MTA3: variants seen among roughly 807,000 people sequenced by gnomAD.
The protein encoded by MTA3 is metastasis-associated protein MTA3.
MTA3 carries 34 observed loss-of-function variants against 83.5 expected under a neutral mutation model. That is an observed-to-expected ratio of 0.41 (90% CI 0.31 to 0.54). MTA3 has a LOEUF of 0.54. Ranked by LOEUF, MTA3 falls within the 20% of genes least tolerant of loss-of-function variation. MTA3 has a pLI of 0.33. For synonymous variants in MTA3, 303 were observed against 252.7 expected (o/e 1.20, Z -1.89); for missense variants, 761 against 726.4 (o/e 1.05, Z -0.55).
At chr2:42,725,797 A>G (rs1667766482) in intron 16 of MTA3, among the ~76,000 whole-genome samples, 1 of 152,328 alleles carries the variant, frequency 6.6e-6, no homozygotes, top group Non-Finnish European at 1.5e-5. Flanking sequence ...GAATCCTTCT[A>G]GCGCCCTGCT....
At chr2:42,572,107 C>T (rs548342783) in intron 2 of MTA3, among the ~76,000 whole-genome samples, 45 of 152,020 alleles carry the variant, frequency 3.0e-4, no homozygotes, top group Middle Eastern at 3.4e-3. Flanking sequence ...GAAACCCCGT[C>T]TCTACTAAAA....
chr2:42,745,824 C>CTTTTTTTTTTTTT (rs146921280), intron 16 of MTA3, among the ~76,000 whole-genome samples: 13 of 119,426 alleles, frequency 1.1e-4, no homozygotes, highest in African/African-American at 3.9e-4. Context: ...AAATAGTCCT[C>CTTTTTTTTTTTTT]TTTTTTTTGA....
chr2:42,639,422 T>C (rs1687501471), intron 4 of MTA3, among the ~76,000 whole-genome samples: 1 of 152,156 alleles, frequency 6.6e-6, no homozygotes, highest in Admixed American at 6.6e-5. Context: ...GTTATACGGA[T>C]TTTTTTAGGC....
At chr2:42,594,312 T>C (rs544501254) in intron 3 of MTA3, among the ~76,000 whole-genome samples, 5 of 143,180 alleles carry the variant, frequency 3.5e-5, no homozygotes, top group Non-Finnish European at 7.5e-5. Context: ...TCTGAGCTCA[T>C]AGCAACCTCT....
At chr2:42,636,435 G>A (rs1687200898) in intron 4 of MTA3, among the ~76,000 whole-genome samples, 1 of 151,888 alleles carries the variant, frequency 6.6e-6, no homozygotes, top group South Asian at 2.1e-4. Context: ...CCAGCTACTG[G>A]GGAGGCTGAG....
At chr2:42,501,748 C>T (rs1674403764) in intron 2 of MTA3, among the ~76,000 whole-genome samples, 3 of 152,088 alleles carry the variant, frequency 2.0e-5, no homozygotes, top group South Asian at 4.1e-4. Flanking sequence ...GAGGCCGAGG[C>T]GTGTGGATCA....
At chr2:42,597,600 G>A (rs1212162444) in intron 3 of MTA3, among the ~76,000 whole-genome samples, 1 of 151,130 alleles carries the variant, frequency 6.6e-6, no homozygotes, top group Non-Finnish European at 1.5e-5. Flanking sequence ...TGGCCAGGCT[G>A]GTCTCAAACT....
chr2:42,509,036 T>A (rs561134015), intron 2 of MTA3, among the ~76,000 whole-genome samples: 2 of 151,926 alleles, frequency 1.3e-5, no homozygotes, highest in African/African-American at 4.8e-5. Context: ...ACCTGTTACT[T>A]GTTTTTGTTG....
At chr2:42,574,867 T>C (rs1165632589) in intron 2 of MTA3, among the ~76,000 whole-genome samples, 1 of 152,218 alleles carries the variant, frequency 6.6e-6, no homozygotes. Flanking sequence ...AAAAAAATTA[T>C]TTAGTCTTTG....
chr2:42,557,801 C>T (rs1677469760), intron 2 of MTA3, among the ~76,000 whole-genome samples: 1 of 152,128 alleles, frequency 6.6e-6, no homozygotes. Context: ...TACAAACCTA[C>T]AGATAAAGAT....
intron 14 of MTA3, among the ~76,000 whole-genome samples, chr2:42,712,348 A>G (rs1277133886): frequency 4.0e-5 from 6 of 151,698 alleles, no homozygotes; most frequent in Non-Finnish European, 8.8e-5. Context: ...CATGCTCTGG[A>G]GTGCAGTGGT....
At position 42,629,145 on chromosome 2, in the gene MTA3, T is replaced by A. The variant is rs1008727259; in HGVS notation, c.318-11028T>A. 2.6e-5 allele frequency among the ~76,000 whole-genome samples: 4 copies of A among 152,268 alleles called. No homozygotes were observed. The East Asian group carries it at 7.7e-4, about 29-fold the overall frequency. ...CCCACGCTGGAGTGCAGTAATGTGA[T>A]CTCAGCTCCCTGCAATCTCTGTCTC... On this transcript the variant is annotated intron_variant, in intron 4 of 16. Coordinates refer to ENST00000405094, the MANE Select transcript of MTA3 (RefSeq NM_001330442.2).
At chr2:42,642,015 CT>C (rs1167490439) in intron 5 of MTA3, among the ~76,000 whole-genome samples, 3 of 152,042 alleles carry the variant, frequency 2.0e-5, no homozygotes, top group South Asian at 4.1e-4. Context: ...CTTGTACCCC[CT>C]AAATATATAA....
intron 16 of MTA3, among the ~76,000 whole-genome samples, chr2:42,729,897 T>C (rs1478240114): frequency 1.3e-5 from 2 of 152,236 alleles, no homozygotes; most frequent in African/African-American, 4.8e-5. Flanking sequence ...ATGGACATTT[T>C]AACAGTATCG....
chr2:42,547,749 A>G (rs1008834784), intron 2 of MTA3, among the ~76,000 whole-genome samples: 1 of 152,264 alleles, frequency 6.6e-6, no homozygotes, highest in Admixed American at 6.5e-5. Flanking sequence ...CTATTAAGCT[A>G]GGTTGCAGTT....
intron 8 of MTA3, among the ~76,000 whole-genome samples, chr2:42,665,069 T>G (rs1345636099): frequency 6.6e-6 from 1 of 152,240 alleles, no homozygotes; most frequent in Non-Finnish European, 1.5e-5. Context: ...TTCACTCGTT[T>G]TGTTAAAATA....
chr2:42,590,992 A>G (rs1485679491), intron 3 of MTA3, among the ~76,000 whole-genome samples: 1 of 152,170 alleles, frequency 6.6e-6, no homozygotes, highest in Non-Finnish European at 1.5e-5. Context: ...ATCGTTTGCT[A>G]CTGAGCAGTC....
At chr2:42,584,083 T>TA (rs1267503274) in intron 3 of MTA3, among the ~76,000 whole-genome samples, 1 of 151,602 alleles carries the variant, frequency 6.6e-6, no homozygotes, top group Non-Finnish European at 1.5e-5. Context: ...CCTCAGGTGA[T>TA]ACGCCCACCT....
intron 6 of MTA3, among the ~76,000 whole-genome samples, chr2:42,654,925 C>T (rs1362748811): frequency 6.6e-6 from 1 of 152,152 alleles, no homozygotes; most frequent in South Asian, 2.1e-4. Context: ...CTCCTTCTTT[C>T]TACTAATGCC....
Sources: gnomAD v4.1 joint callset for allele counts (sites outside exome capture counted in the v4.1 genomes callset) on GRCh38, gnomAD v4.1.1 for gene constraint, MANE v1.5 for transcripts, NCBI Gene and HGNC (gene_info 2026-07-23, HGNC 2026-07-21) for gene names.